THSD4: variants seen among roughly 807,000 people sequenced by gnomAD.
THSD4 encodes thrombospondin type-1 domain-containing protein 4.
In THSD4, 69 loss-of-function variants were observed where a neutral mutation model predicts 119.0. The observed-to-expected ratio is 0.58, with a 90% confidence interval of 0.48 to 0.71. THSD4 has a LOEUF of 0.71. Among genes scored for constraint, THSD4 ranks in the 30% least tolerant of loss-of-function variants. The pLI is 0.00. For missense variants in THSD4, 1,393 were observed against 1,391.1 expected, an observed-to-expected ratio of 1.00 and a Z score of -0.02; for synonymous variants, 524 against 540.4, an observed-to-expected ratio of 0.97 and a Z score of 0.42.
chr15:71,469,192 CA>C (rs2047539510), intron 7 of THSD4, among the ~76,000 whole-genome samples: 1 of 152,138 alleles, frequency 6.6e-6, no homozygotes, highest in African/African-American at 2.4e-5. Flanking sequence ...AGCTCACTTC[CA>C]AAGAGAATTC....
intron 6 of THSD4, among the ~76,000 whole-genome samples, chr15:71,295,213 A>G (rs2044847107): frequency 6.6e-6 from 1 of 152,184 alleles, no homozygotes; most frequent in South Asian, 2.1e-4. Context: ...GGAGGGTGAT[A>G]TGATCGGCTT....
At chr15:71,625,688 T>G (rs4238444) in intron 7 of THSD4, among the ~76,000 whole-genome samples, 80,200 of 152,100 alleles carry the variant, frequency 0.53, 21,547 homozygotes, top group African/African-American at 0.6. Flanking sequence ...TCTCTTTTAT[T>G]CATTCATGCA....
intron 6 of THSD4, among the ~76,000 whole-genome samples, chr15:71,286,181 A>G (rs1249669202): frequency 6.6e-6 from 1 of 152,166 alleles, no homozygotes; most frequent in East Asian, 1.9e-4. Context: ...TCAGAGATAC[A>G]TGTGCAGGAT....
chr15:71,147,899 G>C (rs2040678911), intron 2 of THSD4: 1 of 141,644 alleles, frequency 7.1e-6, no homozygotes, highest in Admixed American at 7.4e-5. Flanking sequence ...GAGCCTGGGA[G>C]ATAGAGGCTG....
chr15:71,720,022 C>CTT (rs750020826), intron 8 of THSD4, among the ~76,000 whole-genome samples: 26 of 114,492 alleles, frequency 2.3e-4, no homozygotes, highest in African/African-American at 4.0e-4. Context: ...ATAACATGTG[C>CTT]TTTTTTTTTT....
chr15:71,250,557 A>T (rs1024110191), intron 5 of THSD4, among the ~76,000 whole-genome samples: 9 of 152,084 alleles, frequency 5.9e-5, no homozygotes, highest in Admixed American at 3.3e-4. Flanking sequence ...GCACTCAAAC[A>T]TGCTCCCAAT....
chr15:71,160,540 C>G (rs2141389551), intron 3 of THSD4, among the ~76,000 whole-genome samples: 1 of 152,040 alleles, frequency 6.6e-6, no homozygotes, highest in East Asian at 1.9e-4. Context: ...ATAATTTAAT[C>G]TTGGTAGGTT....
chr15:71,365,163 G>GTGTGTGTGTGTGTGTGTGTGTGTA (rs1596369666), intron 6 of THSD4, among the ~76,000 whole-genome samples: 10 of 151,348 alleles, frequency 6.6e-5, no homozygotes, highest in Middle Eastern at 3.4e-3. Flanking sequence ...GTGTGTGTGT[G>GTGTGTGTGTGTGTGTGTGTGTGTA]TGTATGAGAG....
intron 1 of THSD4, among the ~76,000 whole-genome samples, chr15:71,119,416 T>C (rs1189044712): frequency 6.6e-6 from 1 of 152,186 alleles, no homozygotes; most frequent in African/African-American, 2.4e-5. Flanking sequence ...ACAATGTGGT[T>C]CTAGCGACAG....
intron 3 of THSD4, among the ~76,000 whole-genome samples, chr15:71,203,627 C>T (rs1267431557): frequency 1.3e-5 from 2 of 152,186 alleles, no homozygotes; most frequent in African/African-American, 4.8e-5. Context: ...GATTGTGCTA[C>T]AGTGCTCCAG....
chr15:71,125,018 G>T (rs1398908116), intron 1 of THSD4, among the ~76,000 whole-genome samples: 1 of 152,074 alleles, frequency 6.6e-6, no homozygotes, highest in Non-Finnish European at 1.5e-5. Context: ...AGGCTGCAGT[G>T]AGCCATGTTC....
chr15:71,281,445 T>A (rs1398135979), intron 6 of THSD4, among the ~76,000 whole-genome samples: 2 of 152,238 alleles, frequency 1.3e-5, no homozygotes, highest in African/African-American at 4.8e-5. Flanking sequence ...ATAAACATTC[T>A]TGTATTTGTG....
chr15:71,660,846 G>A lies in THSD4; in HGVS notation c.1357+112G>A, dbSNP rs1004521837. 1.2e-5 allele frequency: 14 copies of A among 1,194,740 alleles called. No homozygotes were observed. In the African/African-American group the frequency reaches 2.1e-4, roughly 18 times the overall value. 74.0% of individuals were successfully genotyped at this position (1,194,740 alleles called of 1,614,324 possible). A position where few individuals can be genotyped will look rare whatever the true frequency, so the allele number is the denominator to read the frequency against. ...CCGAGAGTCCCGGGGCATGCAGGCA[G>A]TGCCCCTGGGGAATGTCAAAGTACC... On this transcript the variant is annotated intron_variant, in intron 8 of 17. Transcript: ENST00000261862.
chr15:71,594,781 G>A (rs953236255), intron 7 of THSD4, among the ~76,000 whole-genome samples: 1 of 152,194 alleles, frequency 6.6e-6, no homozygotes, highest in African/African-American at 2.4e-5. Flanking sequence ...TACAGTCTTG[G>A]TCTGGAGGAC....
chr15:71,671,058 A>T (rs1265327447), intron 8 of THSD4, among the ~76,000 whole-genome samples: 1 of 152,214 alleles, frequency 6.6e-6, no homozygotes, highest in East Asian at 1.9e-4. Context: ...AGGAATTGCC[A>T]CACTGTCTTC....
rs550708502 is a variant in THSD4 at position 71,663,191 on chromosome 15, G to A, written c.1357+2457G>A. 2.6e-5 allele frequency among the ~76,000 whole-genome samples: 4 copies of A among 152,060 alleles called. No individual in the cohort carries two copies. In the East Asian group the frequency reaches 7.7e-4, roughly 29 times the overall value. On this transcript the variant is annotated intron_variant, in intron 8 of 17. Transcript: ENST00000261862. Reference sequence around the variant, plus strand: ...CACTTGGGCCCAAGAGGTCAGGGCTGCAGTGAGTTGTAATCGTGCCACTGC... The same window carrying A: ...CACTTGGGCCCAAGAGGTCAGGGCTACAGTGAGTTGTAATCGTGCCACTGC...
chr15:71,209,995 T>C (rs1047574063), intron 3 of THSD4, among the ~76,000 whole-genome samples: 3 of 152,222 alleles, frequency 2.0e-5, no homozygotes, highest in East Asian at 1.9e-4. Context: ...TAAAACTGTT[T>C]CTTTTGTAAA....
At chr15:71,564,243 C>T (rs1285545794) in intron 7 of THSD4, among the ~76,000 whole-genome samples, 3 of 152,172 alleles carry the variant, frequency 2.0e-5, no homozygotes, top group African/African-American at 4.8e-5. Context: ...GGTGGGTCCC[C>T]ACTCCTAGAA....
chr15:71,668,469 A>G (rs1255153311), intron 8 of THSD4, among the ~76,000 whole-genome samples: 1 of 152,050 alleles, frequency 6.6e-6, no homozygotes, highest in Non-Finnish European at 1.5e-5. Flanking sequence ...GGTAAAAGGG[A>G]GGGGAGAAGG....
Sources: gnomAD v4.1 joint callset for allele counts (sites outside exome capture counted in the v4.1 genomes callset) on GRCh38, gnomAD v4.1.1 for gene constraint, MANE v1.5 for transcripts, NCBI Gene and HGNC (gene_info 2026-07-23, HGNC 2026-07-21) for gene names.